The following CSNK1G1 variants were observed in gnomAD, a reference collection of about 807,000 sequenced individuals.
The protein encoded by CSNK1G1 is casein kinase I isoform gamma-1.
Under a neutral mutation model 59.6 loss-of-function variants are expected in CSNK1G1, and 22 were observed. The observed-to-expected ratio is 0.37, with a 90% CI of 0.26 to 0.53. The LOEUF (loss-of-function observed/expected upper bound fraction) is 0.53, where lower values mean the gene tolerates loss of function less well. Ranked by LOEUF, CSNK1G1 falls within the 20% of genes least tolerant of loss-of-function variation. CSNK1G1 has a pLI of 0.89. For synonymous variants in CSNK1G1, 179 were observed against 177.1 expected (o/e 1.01, Z -0.08); for missense variants, 384 against 519.5 (o/e 0.74, Z 2.54).
chr15:64,314,947 G>C (rs1596265029), intron 1 of CSNK1G1, among the ~76,000 whole-genome samples: 1 of 152,170 alleles, frequency 6.6e-6, no homozygotes, highest in South Asian at 2.1e-4. Context: ...TAAGAAAGCA[G>C]ACATCTCTTC....
At chr15:64,337,897 A>G (rs948169549) in intron 1 of CSNK1G1, among the ~76,000 whole-genome samples, 70 of 152,148 alleles carry the variant, frequency 4.6e-4, no homozygotes, top group African/African-American at 1.7e-3. Flanking sequence ...AAATCATGCA[A>G]TATTTGTCCT....
intron 10 of CSNK1G1, among the ~76,000 whole-genome samples, chr15:64,193,754 C>T (rs1430078248): frequency 2.0e-5 from 3 of 152,104 alleles, no homozygotes; most frequent in Middle Eastern, 3.2e-3. Context: ...AGAAAAATCA[C>T]GGAAACCACC....
chr15:64,305,930 T>C (rs908990894), intron 1 of CSNK1G1, among the ~76,000 whole-genome samples: 1 of 152,126 alleles, frequency 6.6e-6, no homozygotes, highest in African/African-American at 2.4e-5. Context: ...CAATTAGACA[T>C]ATATTTGCAA....
In CSNK1G1 at chr15:64,188,600, G is replaced by T; in HGVS notation, c.1108-8146C>A. On this transcript the variant is annotated intron_variant, in intron 10 of 11. Coordinates refer to ENST00000303052, the MANE Select transcript of CSNK1G1 (RefSeq NM_022048.5). This position sits in a 1 kb window ranked among gnomAD's most constrained non-coding sequence, Gnocchi z 4.2. ...CCTGTAGGTTTTTCTTTCGGTTTTG[G>T]ATTTTAAACTAACAACCACTGGAAA... 1 of 744,142 alleles carries T rather than the reference G, an allele frequency of 1.3e-6. No individual in the cohort carries two copies. Among genetic ancestry groups the T allele is most frequent in the East Asian group, 2.7e-5 (1 of 37,020 alleles). 46.1% of individuals were successfully genotyped at this position (744,142 alleles called of 1,614,324 possible).
intron 6 of CSNK1G1, among the ~76,000 whole-genome samples, chr15:64,211,627 G>T (rs2082250732): frequency 6.6e-6 from 1 of 152,082 alleles, no homozygotes; most frequent in African/African-American, 2.4e-5. Flanking sequence ...CTATTATCAG[G>T]CATTATGCTA....
intron 1 of CSNK1G1, chr15:64,342,410 A>G (rs1004527739): frequency 6.6e-6 from 1 of 152,228 alleles, no homozygotes; most frequent in African/African-American, 2.4e-5. Flanking sequence ...TTTCTCACTA[A>G]TACTTCCCTA....
At chr15:64,308,764 A>G (rs1309279956) in intron 1 of CSNK1G1, among the ~76,000 whole-genome samples, 1 of 152,012 alleles carries the variant, frequency 6.6e-6, no homozygotes, top group African/African-American at 2.4e-5. Context: ...GGTCGTGGTG[A>G]CAGGCATCTG....
chr15:64,243,322 C>G (rs1301382621), intron 4 of CSNK1G1, among the ~76,000 whole-genome samples: 1 of 151,682 alleles, frequency 6.6e-6, no homozygotes. Context: ...GGAGACAGAG[C>G]GAGACTCCAT....
intron 4 of CSNK1G1, among the ~76,000 whole-genome samples, chr15:64,240,284 T>G (rs1423821421): frequency 1.3e-5 from 2 of 151,962 alleles, no homozygotes; most frequent in African/African-American, 4.8e-5. Context: ...TGAAGAAAGC[T>G]TACAAGACTT....
rs2081651661 is a variant in CSNK1G1, at chr15:64,170,501, C to T, written c.*1430G>A. 6.6e-6 allele frequency: 1 copy of T among 152,666 alleles called. No homozygotes were observed. Among genetic ancestry groups the T allele is most frequent in the African/African-American group, 2.4e-5 (1 of 41,440 alleles). The allele number at this position is 152,666 out of a possible 1,614,324, so 9.5% of individuals were successfully genotyped here. A position where few individuals can be genotyped will look rare whatever the true frequency, so the allele number is the denominator to read the frequency against. ...TATGGACCTGCTGGGAGAAGATCTT[C>T]ATAAGCTTGGTTTCTGATAAGGCAG... is the stretch of plus-strand genomic sequence containing the variant. On this transcript the variant is annotated 3_prime_UTR_variant, in exon 12 of 12. Coordinates refer to ENST00000303052, the MANE Select transcript of CSNK1G1 (RefSeq NM_022048.5).
intron 1 of CSNK1G1, among the ~76,000 whole-genome samples, chr15:64,315,466 T>A (rs1013248950): frequency 2.0e-5 from 3 of 152,228 alleles, no homozygotes; most frequent in African/African-American, 7.2e-5. Context: ...ACAAAAAGCA[T>A]TTACATTTTC....
intron 4 of CSNK1G1, among the ~76,000 whole-genome samples, chr15:64,228,903 A>G (rs1326442491): frequency 6.6e-6 from 1 of 151,548 alleles, no homozygotes; most frequent in Non-Finnish European, 1.5e-5. Flanking sequence ...TTGTGGTCCC[A>G]GCTACTTGGG....
At chr15:64,295,766 T>C (rs1894985436) in intron 2 of CSNK1G1, among the ~76,000 whole-genome samples, 1 of 152,238 alleles carries the variant, frequency 6.6e-6, no homozygotes, top group Non-Finnish European at 1.5e-5. Context: ...ATTCTCTTTC[T>C]GGAATATAAA....
At chr15:64,332,884 C>T (rs947311064) in intron 1 of CSNK1G1, among the ~76,000 whole-genome samples, 26 of 151,964 alleles carry the variant, frequency 1.7e-4, no homozygotes, top group African/African-American at 6.0e-4. Context: ...ATGTTCAAAC[C>T]TAAGAATCAC....
intron 2 of CSNK1G1, among the ~76,000 whole-genome samples, chr15:64,276,125 A>C (rs1888259916): frequency 6.6e-6 from 1 of 152,164 alleles, no homozygotes; most frequent in African/African-American, 2.4e-5. Flanking sequence ...AAAGAAAGGG[A>C]GAAGTTGAAA....
chr15:64,308,403 T>G (rs1394111403), intron 1 of CSNK1G1, among the ~76,000 whole-genome samples: 4 of 150,804 alleles, frequency 2.7e-5, no homozygotes, highest in Non-Finnish European at 5.9e-5. Flanking sequence ...CCAGCCCCAC[T>G]AGTTATATAC....
At chr15:64,262,804 C>T (rs770409308) in intron 2 of CSNK1G1, among the ~76,000 whole-genome samples, 15 of 152,050 alleles carry the variant, frequency 9.9e-5, no homozygotes, top group Non-Finnish European at 1.6e-4. Context: ...TGCAGTCAGG[C>T]GCAATGGCTC....
intron 2 of CSNK1G1, among the ~76,000 whole-genome samples, chr15:64,269,187 G>A (rs1893145108): frequency 6.6e-6 from 1 of 152,164 alleles, no homozygotes; most frequent in African/African-American, 2.4e-5. Context: ...GTTTGGTGAT[G>A]TTTTTGTGAT....
chr15:64,277,697 TTAA>T (rs1319687840), intron 2 of CSNK1G1, among the ~76,000 whole-genome samples: 4 of 131,330 alleles, frequency 3.0e-5, no homozygotes, highest in Admixed American at 1.7e-4. Context: ...ATTGATATAT[TTAA>T]TAATATATTA....
Sources: gnomAD v4.1 joint callset for allele counts (sites outside exome capture counted in the v4.1 genomes callset) on GRCh38, gnomAD v4.1.1 for gene constraint, Gnocchi (gnomAD v3.1) non-coding constraint, MANE v1.5 for transcripts, NCBI Gene and HGNC (gene_info 2026-07-23, HGNC 2026-07-21) for gene names.